Variants in SLC8A1 observed in about 807,000 individuals in gnomAD.
SLC8A1 encodes sodium/calcium exchanger 1.
SLC8A1 carries 18 observed loss-of-function variants against 68.3 expected under a neutral mutation model. That is an observed-to-expected ratio of 0.26 (90% CI 0.18 to 0.39). The LOEUF is 0.39. Among genes scored for constraint, SLC8A1 ranks in the 10% least tolerant of loss-of-function variants. SLC8A1 has a pLI of 1.00. For synonymous variants in SLC8A1, 475 were observed against 415.5 expected, an observed-to-expected ratio of 1.14 and a Z score of -1.74; for missense variants, 985 against 1,156.7, an observed-to-expected ratio of 0.85 and a Z score of 2.15.
intron 2 of SLC8A1, among the ~76,000 whole-genome samples, chr2:40,282,661 T>C (rs2149193420): frequency 6.6e-6 from 1 of 152,282 alleles, no homozygotes; most frequent in East Asian, 1.9e-4. Flanking sequence ...AAACATGACG[T>C]AGCTTTTGGG....
chr2:40,428,147 C>T (rs766431346), intron 2 of SLC8A1, among the ~76,000 whole-genome samples: 1 of 152,022 alleles, frequency 6.6e-6, no homozygotes, highest in African/African-American at 2.4e-5. Context: ...AATAGAAGAC[C>T]AATTTCTCAG....
chr2:40,275,911 A>T (rs1379305279), intron 2 of SLC8A1, among the ~76,000 whole-genome samples: 2 of 151,758 alleles, frequency 1.3e-5, no homozygotes, highest in African/African-American at 4.8e-5. Context: ...TGCAAGTGGG[A>T]CCCCCGTACC....
chr2:40,287,773 C>T (rs546969523), intron 2 of SLC8A1, among the ~76,000 whole-genome samples: 22 of 151,978 alleles, frequency 1.4e-4, no homozygotes, highest in African/African-American at 5.3e-4. Context: ...AATGAAGAGA[C>T]ATCCTGGTCC....
intron 1 of SLC8A1, among the ~76,000 whole-genome samples, chr2:40,440,519 G>C (rs1375416873): frequency 1.3e-5 from 2 of 152,032 alleles, no homozygotes; most frequent in African/African-American, 4.8e-5. Flanking sequence ...ATATAGCAAA[G>C]TGCGAGGCAC....
chr2:40,426,669 T>C (rs1197579456), intron 2 of SLC8A1, among the ~76,000 whole-genome samples: 2 of 151,938 alleles, frequency 1.3e-5, no homozygotes, highest in Admixed American at 1.3e-4. Flanking sequence ...CAAAAGAAAA[T>C]ATGCTTAGTC....
chr2:40,424,682 A>G (rs1696399404), intron 2 of SLC8A1, among the ~76,000 whole-genome samples: 1 of 151,852 alleles, frequency 6.6e-6, no homozygotes, highest in African/African-American at 2.4e-5. Context: ...ACCTCTGGTA[A>G]GCTGATATTC....
intron 2 of SLC8A1, among the ~76,000 whole-genome samples, chr2:40,193,484 G>A (rs2052294486): frequency 6.6e-6 from 1 of 152,072 alleles, no homozygotes; most frequent in South Asian, 2.1e-4. Flanking sequence ...CACAGTGGGT[G>A]GGGAAATAAA....
intron 2 of SLC8A1, among the ~76,000 whole-genome samples, chr2:40,409,550 G>C (rs530971154): frequency 3.9e-5 from 6 of 152,254 alleles, no homozygotes; most frequent in Non-Finnish European, 8.8e-5. Context: ...CAGGTATGCA[G>C]TCATTCCTTG....
chr2:40,140,188 A>C (rs1015057221), intron 6 of SLC8A1, among the ~76,000 whole-genome samples: 156 of 152,322 alleles, frequency 1.0e-3, no homozygotes, highest in African/African-American at 3.5e-3. Context: ...ATATTTCTCC[A>C]GCGTCATCTC....
At chr2:40,328,368 A>T (rs183508656) in intron 2 of SLC8A1, among the ~76,000 whole-genome samples, 2 of 152,014 alleles carry the variant, frequency 1.3e-5, no homozygotes, top group Admixed American at 6.6e-5. Flanking sequence ...GTGGAGGTTT[A>T]TCTCCTCTGC....
chr2:40,102,116 T>C (rs2033928266), exon 8 of SLC8A1: 1 of 152,174 alleles, frequency 6.6e-6, no homozygotes, highest in African/African-American at 2.4e-5. Context: ...AGAGAATCTT[T>C]AGGTTCAGAA....
At chr2:40,198,173 G>A (rs944617532) in intron 2 of SLC8A1, among the ~76,000 whole-genome samples, 10 of 151,960 alleles carry the variant, frequency 6.6e-5, no homozygotes, top group African/African-American at 2.2e-4. Context: ...TAGATTAAAT[G>A]AAAGATATAG....
At chr2:40,192,199 G>T (rs183710243) in intron 2 of SLC8A1, among the ~76,000 whole-genome samples, 336 of 152,032 alleles carry the variant, frequency 2.2e-3, no homozygotes, top group African/African-American at 7.6e-3. Flanking sequence ...TAGATTTCTT[G>T]ATTCCAACAA....
chr2:40,479,636 T>TA (rs1704504630), intron 1 of SLC8A1, among the ~76,000 whole-genome samples: 1 of 152,166 alleles, frequency 6.6e-6, no homozygotes, highest in Admixed American at 6.5e-5. Context: ...AAGTGAGCTT[T>TA]TCATGCTCCT....
Position 40,374,347 on chromosome 2 carries a change from G to C in SLC8A1, c.1808+54126C>G, listed in dbSNP as rs183462260. 1.3e-4 allele frequency among the ~76,000 whole-genome samples: 19 copies of C among 151,418 alleles called. 1 individual carries two copies. In the East Asian group the frequency reaches 3.5e-3, roughly 28 times the overall value. On this transcript the variant is annotated intron_variant, in intron 2 of 7. Coordinates refer to ENST00000406785, the Ensembl canonical transcript of SLC8A1. Reference sequence around the variant, plus strand: ...GGAAATATGGGGAGACCCTGTCTCTGTATTTATATATATATTTATATTAAA... The same window carrying C: ...GGAAATATGGGGAGACCCTGTCTCTCTATTTATATATATATTTATATTAAA...
chr2:40,437,255 A>T (rs1699609829), intron 1 of SLC8A1, among the ~76,000 whole-genome samples: 1 of 152,172 alleles, frequency 6.6e-6, no homozygotes, highest in South Asian at 2.1e-4. Context: ...AGAGAGCTCA[A>T]GATTTAGGTA....
intron 2 of SLC8A1, among the ~76,000 whole-genome samples, chr2:40,294,504 G>A (rs999104817): frequency 2.0e-5 from 3 of 151,954 alleles, no homozygotes; most frequent in Non-Finnish European, 2.9e-5. Flanking sequence ...AACACCTAGG[G>A]CATATTTTTA....
At chr2:40,369,710 T>A (rs990429068) in intron 2 of SLC8A1, among the ~76,000 whole-genome samples, 1 of 152,108 alleles carries the variant, frequency 6.6e-6, no homozygotes, top group Non-Finnish European at 1.5e-5. Flanking sequence ...GTAAACTGGA[T>A]TTTCTTTAGC....
At chr2:40,196,103 G>A (rs749294175) in intron 2 of SLC8A1, among the ~76,000 whole-genome samples, 5 of 151,686 alleles carry the variant, frequency 3.3e-5, no homozygotes, top group Non-Finnish European at 5.9e-5. Flanking sequence ...TTATGGGGGT[G>A]GGGGGAAGGG....
Sources: allele counts gnomAD v4.1 joint callset (sites outside exome capture counted in the v4.1 genomes callset), GRCh38; gene constraint gnomAD v4.1.1; transcripts MANE v1.5; gene names NCBI Gene and HGNC (gene_info 2026-07-23, HGNC 2026-07-21).